SPINK5: variants seen among roughly 807,000 people sequenced by gnomAD.
The protein encoded by SPINK5 is serine peptidase inhibitor Kazal type 5.
Under a neutral mutation model 151.8 loss-of-function variants are expected in SPINK5, and 125 were observed. The ratio of observed to expected loss-of-function variants is 0.82; its 90% CI spans 0.71 to 0.96. The LOEUF is 0.96. Among genes scored for constraint, SPINK5 ranks in the 40% least tolerant of loss-of-function variants. The pLI, the probability that SPINK5 is intolerant of heterozygous loss-of-function variation, is 0.00. For missense variants in SPINK5, 1,194 were observed against 1,291.9 expected (o/e 0.92, Z 1.16); for synonymous variants, 374 against 395.3 (o/e 0.95, Z 0.64).
intron 4 of SPINK5, among the ~76,000 whole-genome samples, chr5:148,080,476 C>T (rs779385870): frequency 6.6e-5 from 10 of 151,090 alleles, no homozygotes; most frequent in African/African-American, 1.9e-4. Flanking sequence ...ATCATAACAG[C>T]GTGCCGTTAT....
At chr5:148,099,567 A>C (rs1753579741) in intron 12 of SPINK5, among the ~76,000 whole-genome samples, 1 of 152,016 alleles carries the variant, frequency 6.6e-6, no homozygotes, top group African/African-American at 2.4e-5. Flanking sequence ...TTTATCACTT[A>C]TAGACTGTTA....
intron 18 of SPINK5, among the ~76,000 whole-genome samples, chr5:148,109,995 T>C (rs1344750701): frequency 2.6e-5 from 4 of 152,196 alleles, no homozygotes; most frequent in African/African-American, 9.6e-5. Context: ...CAAGCATTGA[T>C]TCATGGCTTT....
chr5:148,121,879 G>C (rs1311861811), intron 26 of SPINK5, among the ~76,000 whole-genome samples: 2 of 151,552 alleles, frequency 1.3e-5, no homozygotes, highest in Non-Finnish European at 2.9e-5. Flanking sequence ...AAGGTGAGAG[G>C]ATCACTTGAG....
Position 148,111,902 on chromosome 5 carries a change from G to A in SPINK5, c.1820+7G>A. ...CCATGTGTGAAGCCTTCTTGTGAGTGGGCGGCAGCCACTGCTGCTACTGAG... is the reference window on the plus strand; with the variant it reads ...CCATGTGTGAAGCCTTCTTGTGAGTAGGCGGCAGCCACTGCTGCTACTGAG... On this transcript the variant is annotated splice_region_variant and intron_variant, in intron 19 of 32. Transcript: ENST00000256084. 2 of 1,613,888 alleles carry A rather than the reference G, an allele frequency of 1.2e-6. No individual in the cohort carries two copies. The highest frequency in any genetic ancestry group is 8.5e-7 in the Non-Finnish European group (1 of 1,179,848).
intron 2 of SPINK5, among the ~76,000 whole-genome samples, chr5:148,068,434 A>G (rs1042168034): frequency 5.3e-5 from 8 of 151,946 alleles, no homozygotes; most frequent in African/African-American, 1.5e-4. Context: ...TATGTCACCT[A>G]GCAAAGTATA....
Position 148,136,965 on chromosome 5 carries a change from AC to A in SPINK5, c.3187-15del, listed in dbSNP as rs1420077003. 1 of 1,613,554 alleles carries A rather than the reference AC, an allele frequency of 6.2e-7. No individual in the cohort carries two copies. The highest frequency in any genetic ancestry group is 1.3e-5 in the African/African-American group (1 of 74,900). ...ATCTCTGGGTTCTAGCATCTAACCT[AC>A]CCATCTTCTCTTCTAGGACGAATGA... On this transcript the variant is annotated splice_polypyrimidine_tract_variant and intron_variant, in intron 32 of 32. Transcript: ENST00000256084.
At chr5:148,128,025 A>T (rs1351060639) in intron 30 of SPINK5, among the ~76,000 whole-genome samples, 1 of 152,176 alleles carries the variant, frequency 6.6e-6, no homozygotes, top group Admixed American at 6.5e-5. Flanking sequence ...TAAAAGGAAG[A>T]TTTTAGCACC....
chr5:148,127,235 G>A (rs1418998744), intron 30 of SPINK5, among the ~76,000 whole-genome samples, 156 bp downstream of exon 30: 1 of 152,162 alleles, frequency 6.6e-6, no homozygotes, highest in Non-Finnish European at 1.5e-5. Flanking sequence ...TATGCTTGGT[G>A]AGAGTTCTGG....
At chr5:148,119,524 G>C (rs1754194693) in intron 24 of SPINK5, among the ~76,000 whole-genome samples, 1 of 152,176 alleles carries the variant, frequency 6.6e-6, no homozygotes. Context: ...TGTTGGTAAT[G>C]CCGCATTCCT....
At chr5:148,083,994 T>A (rs1324500779) in intron 4 of SPINK5, among the ~76,000 whole-genome samples, 1 of 151,690 alleles carries the variant, frequency 6.6e-6, no homozygotes, top group Non-Finnish European at 1.5e-5. Context: ...AATTTCCACT[T>A]TGTTCTTCCT....
At chr5:148,091,079 G>C in intron 7 of SPINK5, 86 bp from the exon 8 acceptor site, 1 of 1,106,394 alleles carries the variant, frequency 9.0e-7, no homozygotes, top group African/African-American at 1.6e-5. Flanking sequence ...TCGTAGCAGA[G>C]GATATGAAAG....
In SPINK5 at chr5:148,124,854, T is replaced by A. The variant is rs1461989610; in HGVS notation, c.2739+17T>A. 4 of 1,576,882 alleles carry A rather than the reference T, an allele frequency of 2.5e-6. No individual in the cohort carries two copies. The highest frequency in any genetic ancestry group is 3.4e-6 in the Non-Finnish European group (4 of 1,165,162). ...AATGCAAAGGTTATTTATTAAAGGA[T>A]ACCAAAATAACCATTTTACTTTTCA... On this transcript the variant is annotated intron_variant, in intron 28 of 32. Coordinates refer to ENST00000256084, the MANE Select transcript of SPINK5 (RefSeq NM_006846.4).
At position 148,123,836 on chromosome 5, in the gene SPINK5, C is replaced by A. The variant is rs1204767096; in HGVS notation, c.2542C>A (p.Leu848Met). 1 of 1,613,794 alleles carries A rather than the reference C, an allele frequency of 6.2e-7. No individual in the cohort carries two copies. Among genetic ancestry groups the A allele is most frequent in the Non-Finnish European group, 8.5e-7 (1 of 1,179,944 alleles). Residue 848 changes from leucine (L) to methionine (M), a missense_variant, in exon 27 of 33, where the codon CTG becomes ATG. Leu to Met is a conservative substitution (Grantham distance 15, BLOSUM62 2). Transcript: ENST00000256084. ...TGERSNDKED[L>M]CREFRSMQRN... is the part of the protein sequence containing the mutation. ...CTTTTTCTGCTACTGTTGGTAGGAT[C>A]TGTGTCGTGAATTTCGAAGCATGCA...
At chr5:148,075,627 A>G (rs962422344) in intron 4 of SPINK5, among the ~76,000 whole-genome samples, 3 of 151,750 alleles carry the variant, frequency 2.0e-5, no homozygotes, top group African/African-American at 7.3e-5. Context: ...TCAGAAAGCA[A>G]CTATAAAGCT....
intron 7 of SPINK5, among the ~76,000 whole-genome samples, chr5:148,089,998 C>T (rs557629422): frequency 2.0e-5 from 3 of 151,766 alleles, no homozygotes; most frequent in Non-Finnish European, 4.4e-5. Context: ...TGTAGAGACC[C>T]TTCCTGAGTA....
intron 3 of SPINK5, among the ~76,000 whole-genome samples, chr5:148,071,846 A>T (rs1040421119): frequency 6.6e-6 from 1 of 152,052 alleles, no homozygotes; most frequent in Non-Finnish European, 1.5e-5. Flanking sequence ...CAAAAACTGC[A>T]TTCAAAAAAT....
intron 32 of SPINK5, among the ~76,000 whole-genome samples, chr5:148,135,798 A>G (rs181422011): frequency 1.7e-4 from 26 of 152,292 alleles, no homozygotes; most frequent in African/African-American, 6.0e-4. Flanking sequence ...CAAGAATAGA[A>G]TAAGAGTCCA....
intron 30 of SPINK5, among the ~76,000 whole-genome samples, chr5:148,128,714 G>A (rs1227891934): frequency 6.6e-6 from 1 of 152,032 alleles, no homozygotes; most frequent in African/African-American, 2.4e-5. Flanking sequence ...TAGTAGAGAC[G>A]GGGTTTCACT....
chr5:148,089,144 C>G (rs1266678304), intron 6 of SPINK5: 1 of 468,028 alleles, frequency 2.1e-6, no homozygotes, highest in African/African-American at 2.0e-5. Flanking sequence ...TATAAGCTTC[C>G]AGAGCACCTG....
Sources: allele counts gnomAD v4.1 joint callset (sites outside exome capture counted in the v4.1 genomes callset), GRCh38; gene constraint gnomAD v4.1.1; transcripts MANE v1.5; gene names NCBI Gene and HGNC (gene_info 2026-07-23, HGNC 2026-07-21).